Variants in ANO10 observed in about 807,000 individuals in gnomAD.
ANO10 encodes anoctamin-10.
ANO10 carries 77 observed loss-of-function variants against 74.7 expected under a neutral mutation model. The ratio of observed to expected loss-of-function variants is 1.03; its 90% CI spans 0.86 to 1.25. ANO10 has a LOEUF of 1.25. Among genes scored for constraint, ANO10 ranks in the 50% most tolerant of loss-of-function variants. The probability of loss-of-function intolerance (pLI) is 0.00; values close to 1 mark genes in which losing one functional copy is unlikely to be tolerated. For missense variants in ANO10, 721 were observed against 778.1 expected (o/e 0.93, Z 0.87); for synonymous variants, 279 against 284.9 (o/e 0.98, Z 0.21).
At chr3:43,573,200 G>A (rs1266723545) in intron 7 of ANO10, among the ~76,000 whole-genome samples, 1 of 152,156 alleles carries the variant, frequency 6.6e-6, no homozygotes, top group Non-Finnish European at 1.5e-5. Flanking sequence ...GCACAGAACA[G>A]AACTTCCTAG....
At chr3:43,449,453 T>C (rs1371018722) in intron 11 of ANO10, among the ~76,000 whole-genome samples, 1 of 151,896 alleles carries the variant, frequency 6.6e-6, no homozygotes, top group Non-Finnish European at 1.5e-5. Flanking sequence ...GTGTTTTACA[T>C]TTAGGTTTCT....
intron 12 of ANO10, among the ~76,000 whole-genome samples, chr3:43,429,364 A>G (rs1575768552): frequency 1.3e-5 from 2 of 152,292 alleles, no homozygotes; most frequent in South Asian, 4.1e-4. Context: ...TTTTTAAAAA[A>G]GCAAATTCAT....
At chr3:43,455,450 A>G (rs1331951857) in intron 11 of ANO10, among the ~76,000 whole-genome samples, 1 of 151,986 alleles carries the variant, frequency 6.6e-6, no homozygotes, top group Admixed American at 6.6e-5. Flanking sequence ...GGAAGGAGTG[A>G]CAGGTACGTG....
intron 11 of ANO10, among the ~76,000 whole-genome samples, chr3:43,535,378 C>A (rs1038156404): frequency 2.0e-5 from 3 of 149,980 alleles, no homozygotes; most frequent in Non-Finnish European, 4.4e-5. Flanking sequence ...AGGGTTCAAG[C>A]GATTCTCCTG....
At chr3:43,565,893 C>T (rs1438356711) in intron 7 of ANO10, among the ~76,000 whole-genome samples, 166 bp from the exon 8 acceptor site, 7 of 152,102 alleles carry the variant, frequency 4.6e-5, no homozygotes, top group Middle Eastern at 3.2e-3. Context: ...ACGCAGAAGA[C>T]GGGTGATTTC....
chr3:43,676,069 G>T (rs543865897), intron 1 of ANO10, among the ~76,000 whole-genome samples: 2 of 152,142 alleles, frequency 1.3e-5, no homozygotes, highest in African/African-American at 4.8e-5. Flanking sequence ...ATATTAAACC[G>T]TGTAATACTA....
chr3:43,408,259 TAG>T (rs58878615), intron 12 of ANO10, among the ~76,000 whole-genome samples: 3,580 of 152,334 alleles, frequency 0.024, 146 homozygotes, highest in African/African-American at 0.081. Context: ...TTCTTGGTCA[TAG>T]AGAGTTCTCA....
intron 4 of ANO10, among the ~76,000 whole-genome samples, chr3:43,596,830 C>T (rs1340259977): frequency 1.1e-4 from 16 of 152,088 alleles, no homozygotes; most frequent in African/African-American, 3.1e-4. Context: ...ACAGGCAACC[C>T]ACAGAATGGG....
chr3:43,647,170 T>TGTGTGTGC (rs962144874), intron 1 of ANO10, among the ~76,000 whole-genome samples: 6 of 151,308 alleles, frequency 4.0e-5, no homozygotes, highest in Non-Finnish European at 5.9e-5. Flanking sequence ...TGTGTGTGTG[T>TGTGTGTGC]GTGTGTGTGT....
intron 11 of ANO10, among the ~76,000 whole-genome samples, chr3:43,450,590 ATG>A (rs2074819501): frequency 6.6e-6 from 1 of 152,184 alleles, no homozygotes; most frequent in African/African-American, 2.4e-5. Flanking sequence ...CCAGAATTAT[ATG>A]TCTCAGATAA....
At chr3:43,659,219 A>T (rs2083891929) in intron 1 of ANO10, among the ~76,000 whole-genome samples, 3 of 152,176 alleles carry the variant, frequency 2.0e-5, no homozygotes, top group Admixed American at 6.5e-5. Flanking sequence ...CAGTGGGTGC[A>T]GCCCATGGAG....
chr3:43,673,686 C>A (rs892352414), intron 1 of ANO10, among the ~76,000 whole-genome samples: 2 of 152,112 alleles, frequency 1.3e-5, no homozygotes, highest in African/African-American at 2.4e-5. Flanking sequence ...TAAAAAAACA[C>A]TGATTCTACT....
intron 11 of ANO10, chr3:43,472,616 C>G (rs2075906440): frequency 6.6e-6 from 1 of 151,864 alleles, no homozygotes; most frequent in African/African-American, 2.4e-5. Context: ...GAGAGAGAGA[C>G]CAAAGAGGCA....
intron 4 of ANO10, among the ~76,000 whole-genome samples, chr3:43,589,228 T>C (rs977369076): frequency 1.4e-5 from 2 of 144,804 alleles, no homozygotes; most frequent in African/African-American, 2.5e-5. Flanking sequence ...AAAAATAGTC[T>C]TCACAGATGT....
At chr3:43,453,103 T>A (rs1396581290) in intron 11 of ANO10, among the ~76,000 whole-genome samples, 1 of 152,210 alleles carries the variant, frequency 6.6e-6, no homozygotes, top group Non-Finnish European at 1.5e-5. Flanking sequence ...TGCAAATATC[T>A]GCAACCTTTC....
intron 9 of ANO10, 126 bp downstream of exon 9, chr3:43,561,094 A>C: frequency 1.8e-6 from 2 of 1,106,968 alleles, no homozygotes; most frequent in Non-Finnish European, 2.7e-6. Context: ...ATGATGAGGA[A>C]ACTGACTGGA....
chr3:43,576,916 C>A lies in ANO10; in HGVS notation c.938G>T (p.Arg313Leu), dbSNP rs747769148. ...GAATGGCAGGGAGACCAGGTAAATG[C>A]GCAACTGTCTCTTGTAGCTGGGGTA... ...PLYPSYKRQL[R>L]IYLVSLPFVC... is the part of the protein sequence containing the mutation. The change falls in exon 6 of 13, where the codon CGC (arginine) becomes CTC (leucine). Residue 313 changes from arginine (R) to leucine (L), a missense_variant. Transcript: ENST00000292246. 8 of 1,614,150 alleles carry A rather than the reference C, an allele frequency of 5.0e-6. No individual in the cohort carries two copies. The highest frequency in any genetic ancestry group is 2.2e-5 in the East Asian group (1 of 44,878).
chr3:43,471,773 T>TA (rs1016890100), intron 11 of ANO10, among the ~76,000 whole-genome samples: 1 of 151,944 alleles, frequency 6.6e-6, no homozygotes, highest in African/African-American at 2.4e-5. Flanking sequence ...ACCCCATCCC[T>TA]AAAAAAAATT....
intron 11 of ANO10, among the ~76,000 whole-genome samples, chr3:43,515,224 G>C (rs1468947267): frequency 5.9e-5 from 9 of 152,314 alleles, no homozygotes; most frequent in East Asian, 1.9e-4. Context: ...CTGTGTCTAT[G>C]AGGGTGTTGC....
Sources: allele counts gnomAD v4.1 joint callset (sites outside exome capture counted in the v4.1 genomes callset), GRCh38; gene constraint gnomAD v4.1.1; transcripts MANE v1.5; gene names NCBI Gene and HGNC (gene_info 2026-07-23, HGNC 2026-07-21).